Variants in INTS4 observed in about 807,000 individuals in gnomAD.
INTS4 encodes the protein MSTP093.
INTS4 carries 70 observed loss-of-function variants against 119.5 expected under a neutral mutation model. The observed-to-expected ratio is 0.59, with a 90% CI of 0.48 to 0.71. The LOEUF is 0.71. Among genes scored for constraint, INTS4 ranks in the 30% least tolerant of loss-of-function variants. INTS4 has a pLI of 0.00. For synonymous variants in INTS4, 316 were observed against 419.6 expected (o/e 0.75, Z 3.02); for missense variants, 867 against 1,173.2 (o/e 0.74, Z 3.81).
intron 18 of INTS4, among the ~76,000 whole-genome samples, chr11:77,898,234 G>C (rs1437434706): frequency 6.6e-6 from 1 of 152,124 alleles, no homozygotes; most frequent in Non-Finnish European, 1.5e-5. Flanking sequence ...TGCGATCTCG[G>C]CTCACTGCAA....
At chr11:77,878,142 C>T (rs938624441), downstream of INTS4, among the ~76,000 whole-genome samples, 1 of 152,084 alleles carries the variant, frequency 6.6e-6, no homozygotes, top group Non-Finnish European at 1.5e-5. Flanking sequence ...GTGGGCAGAT[C>T]ACGAGGTCAG....
At chr11:77,905,199 G>A (rs1420580569) in intron 16 of INTS4, among the ~76,000 whole-genome samples, 1 of 152,164 alleles carries the variant, frequency 6.6e-6, no homozygotes. Context: ...GCTCATGCCT[G>A]TAATCCTAGC....
intron 18 of INTS4, among the ~76,000 whole-genome samples, chr11:77,896,389 C>T (rs533952620): frequency 2.6e-5 from 4 of 152,280 alleles, no homozygotes; most frequent in East Asian, 1.9e-4. Flanking sequence ...CAGTGGCTCA[C>T]GCCTGTAATT....
At chr11:77,931,707 A>G (rs1953653681) in intron 10 of INTS4, among the ~76,000 whole-genome samples, 1 of 152,202 alleles carries the variant, frequency 6.6e-6, no homozygotes, top group East Asian at 1.9e-4. Flanking sequence ...AGGCTACAGT[A>G]ACCAAAACAG....
At chr11:77,925,610 GA>G (rs775001833) in intron 11 of INTS4, among the ~76,000 whole-genome samples, 6 of 152,226 alleles carry the variant, frequency 3.9e-5, no homozygotes, top group Non-Finnish European at 8.8e-5. Flanking sequence ...AATATTAAAA[GA>G]GAGGCAAATC....
intron 15 of INTS4, among the ~76,000 whole-genome samples, chr11:77,913,595 G>C (rs1316540095): frequency 6.6e-6 from 1 of 152,196 alleles, no homozygotes; most frequent in Non-Finnish European, 1.5e-5. Context: ...ACAGGCATGA[G>C]CCACTGTGCC....
chr11:77,894,251 C>A, intron 19 of INTS4, 39 bp downstream of exon 19: 1 of 1,132,666 alleles, frequency 8.8e-7, no homozygotes, highest in Non-Finnish European at 1.3e-6. Context: ...CTCCATGTAA[C>A]CAAGATTTAA....
downstream of INTS4, among the ~76,000 whole-genome samples, chr11:77,877,879 C>T (rs570101594): frequency 1.3e-5 from 2 of 152,138 alleles, no homozygotes; most frequent in African/African-American, 4.8e-5. Flanking sequence ...GCCACAGCCC[C>T]CAGCCCCATG....
intron 4 of INTS4, among the ~76,000 whole-genome samples, chr11:77,968,188 AATGT>A (rs1308738672): frequency 6.6e-6 from 1 of 152,196 alleles, no homozygotes. Context: ...CCTTGACTGA[AATGT>A]CATTATTATG....
chr11:77,952,741 T>C (rs1954226643), intron 8 of INTS4, among the ~76,000 whole-genome samples: 1 of 152,224 alleles, frequency 6.6e-6, no homozygotes, highest in South Asian at 2.1e-4. Flanking sequence ...CCATATGTTA[T>C]ACATACAACT....
intron 8 of INTS4, among the ~76,000 whole-genome samples, chr11:77,952,554 A>C (rs1954221260): frequency 6.6e-6 from 1 of 152,214 alleles, no homozygotes. Flanking sequence ...CTCATTTAGT[A>C]GGCCAGGAAC....
At chr11:77,879,648 A>C (rs1951717174) in intron 22 of INTS4, among the ~76,000 whole-genome samples, 1 of 152,212 alleles carries the variant, frequency 6.6e-6, no homozygotes, top group Admixed American at 6.5e-5. Context: ...AAAATGTCTG[A>C]AAACATCTCA....
intron 8 of INTS4, among the ~76,000 whole-genome samples, chr11:77,941,842 TA>T (rs1486068783): frequency 6.6e-6 from 1 of 152,080 alleles, no homozygotes; most frequent in Non-Finnish European, 1.5e-5. Flanking sequence ...GCTTTAGACG[TA>T]TATTAACTCA....
chr11:77,907,599 A>G, intron 16 of INTS4, 118 bp downstream of exon 16: 1 of 676,292 alleles, frequency 1.5e-6, no homozygotes, highest in South Asian at 1.9e-5. Context: ...ATATTTCTCC[A>G]TTGTCAAGTG....
At chr11:77,981,848 G>A (rs986049846) in intron 2 of INTS4, among the ~76,000 whole-genome samples, 15 of 151,912 alleles carry the variant, frequency 9.9e-5, no homozygotes, top group African/African-American at 3.6e-4. Context: ...TGCAACCTCT[G>A]CCGGGGAGAC....
At chr11:77,919,150 T>C (rs1328999909) in intron 14 of INTS4, among the ~76,000 whole-genome samples, 172 bp from the exon 15 acceptor site, 1 of 152,096 alleles carries the variant, frequency 6.6e-6, no homozygotes, top group East Asian at 1.9e-4. Flanking sequence ...CATTGGGAGT[T>C]AAAGAGAAAG....
chr11:77,965,753 C>G (rs941329113), intron 4 of INTS4, among the ~76,000 whole-genome samples: 2 of 152,214 alleles, frequency 1.3e-5, no homozygotes, highest in South Asian at 2.1e-4. Context: ...TGATTCCATA[C>G]ATTGGCTATT....
chr11:77,991,580 A>T (rs1192084252), intron 1 of INTS4, among the ~76,000 whole-genome samples: 2 of 151,000 alleles, frequency 1.3e-5, no homozygotes, highest in African/African-American at 4.9e-5. Context: ...TTAGAGATGG[A>T]GTCTCTCTAT....
intron 11 of INTS4, among the ~76,000 whole-genome samples, chr11:77,925,886 C>T (rs912002804): frequency 6.6e-6 from 1 of 152,228 alleles, no homozygotes; most frequent in African/African-American, 2.4e-5. Flanking sequence ...CCAGTCTTCA[C>T]ATAGCTAGCT....
Sources: allele counts gnomAD v4.1 joint callset (sites outside exome capture counted in the v4.1 genomes callset), GRCh38; gene constraint gnomAD v4.1.1; transcripts MANE v1.5; gene names NCBI Gene and HGNC (gene_info 2026-07-23, HGNC 2026-07-21).